CADM1: variants seen among roughly 807,000 people sequenced by gnomAD.
CADM1 encodes the protein cell adhesion molecule 1, also known as TSLC-1.
A neutral mutation model predicts 53.1 loss-of-function variants in CADM1; 15 were observed. That is an observed-to-expected ratio of 0.28 (90% CI 0.19 to 0.44). The LOEUF (loss-of-function observed/expected upper bound fraction) is 0.44. Ranked by LOEUF, CADM1 falls within the 20% of genes least tolerant of loss-of-function variation. The pLI is 1.00. For missense variants in CADM1, 434 were observed against 611.3 expected (o/e 0.71, Z 3.06); for synonymous variants, 281 against 243.0 (o/e 1.16, Z -1.45).
intron 1 of CADM1, among the ~76,000 whole-genome samples, chr11:115,313,435 G>A (rs1944581598): frequency 6.6e-6 from 1 of 152,250 alleles, no homozygotes; most frequent in Admixed American, 6.5e-5. Flanking sequence ...CTGCCAGTTA[G>A]TACAATTTAT....
At chr11:115,214,487 T>C in intron 7 of CADM1, 121 bp downstream of exon 7, 1 of 971,514 alleles carries the variant, frequency 1.0e-6, no homozygotes, top group South Asian at 1.4e-5. Flanking sequence ...CTTCTTTAAG[T>C]TCTAGAAGGA....
chr11:115,324,356 C>T (rs1421637432), intron 1 of CADM1, among the ~76,000 whole-genome samples: 1 of 152,130 alleles, frequency 6.6e-6, no homozygotes, highest in Non-Finnish European at 1.5e-5. Context: ...AAATCAACAA[C>T]ATCAACAATA....
At chr11:115,406,114 T>C (rs1947306259) in intron 1 of CADM1, among the ~76,000 whole-genome samples, 1 of 152,338 alleles carries the variant, frequency 6.6e-6, no homozygotes, top group African/African-American at 2.4e-5. Flanking sequence ...GGATATTTCT[T>C]TTCTCCTTGA....
At chr11:115,195,464 T>C (rs1473661064) in intron 9 of CADM1, among the ~76,000 whole-genome samples, 1 of 152,230 alleles carries the variant, frequency 6.6e-6, no homozygotes, top group East Asian at 1.9e-4. Flanking sequence ...AAATCCAGTA[T>C]GAAAACTTTT....
At chr11:115,288,492 T>C (rs1270165062) in intron 1 of CADM1, among the ~76,000 whole-genome samples, 1 of 152,156 alleles carries the variant, frequency 6.6e-6, no homozygotes, top group Non-Finnish European at 1.5e-5. Flanking sequence ...CCTGTTTCTA[T>C]ATAACTTGGC....
intron 1 of CADM1, among the ~76,000 whole-genome samples, chr11:115,392,136 CCTTG>C (rs530983640): frequency 4.9e-4 from 74 of 152,160 alleles, no homozygotes; most frequent in African/African-American, 1.7e-3. Flanking sequence ...GTCCTTCTTA[CCTTG>C]CTTATTTTTT....
At chr11:115,310,132 G>A (rs1944492461) in intron 1 of CADM1, among the ~76,000 whole-genome samples, 1 of 152,022 alleles carries the variant, frequency 6.6e-6, no homozygotes, top group African/African-American at 2.4e-5. Context: ...ATATATGCAC[G>A]ATGGGGAAAG....
intron 3 of CADM1, among the ~76,000 whole-genome samples, chr11:115,237,231 C>T (rs112667318): frequency 0.024 from 3,598 of 152,226 alleles, 132 homozygotes; most frequent in African/African-American, 0.078. Context: ...CTAAAACCTC[C>T]CATGCTTACT....
intron 9 of CADM1, 123 bp downstream of exon 9, chr11:115,198,283 T>C (rs765818281): frequency 1.4e-6 from 1 of 710,788 alleles, no homozygotes; most frequent in Non-Finnish European, 2.4e-6. Context: ...AATTATAGTA[T>C]ATTTATGAGG....
At position 115,214,397 on chromosome 11, in the gene CADM1, A is replaced by G. The variant is rs538450370; in HGVS notation, c.994+211T>C. 143 of 586,078 alleles carry G rather than the reference A, an allele frequency of 2.4e-4. 1 individual carries two copies. In the African/African-American group the frequency reaches 2.4e-3, roughly 10 times the overall value. 36.3% of individuals were successfully genotyped at this position (586,078 alleles called of 1,614,324 possible). On this transcript the variant is annotated intron_variant, in intron 7 of 11. Coordinates refer to ENST00000331581, the MANE Select transcript of CADM1 (RefSeq NM_001301043.2). The stretch of plus-strand genomic sequence containing the variant: ...TCAGCATGACCAAAGACTGTGATCT[A>G]GTAGAAACACCCACCATTAGAGGGA...
chr11:115,421,717 T>G (rs1274070149), intron 1 of CADM1, among the ~76,000 whole-genome samples: 3 of 152,182 alleles, frequency 2.0e-5, no homozygotes, highest in African/African-American at 7.2e-5. Flanking sequence ...AAATATGTCA[T>G]CAGCAGCATG....
At chr11:115,249,020 A>C (rs1194502353) in intron 1 of CADM1, among the ~76,000 whole-genome samples, 1 of 152,194 alleles carries the variant, frequency 6.6e-6, no homozygotes. Context: ...TTATGAAACT[A>C]ATTGTGTTGG....
At chr11:115,253,699 C>T (rs1001900746) in intron 1 of CADM1, among the ~76,000 whole-genome samples, 8 of 152,134 alleles carry the variant, frequency 5.3e-5, no homozygotes, top group African/African-American at 1.4e-4. Context: ...CTCATCACAG[C>T]GGAAAACTGA....
chr11:115,330,352 G>T (rs2135214544), intron 1 of CADM1, among the ~76,000 whole-genome samples: 1 of 152,164 alleles, frequency 6.6e-6, no homozygotes. Flanking sequence ...GTCTCATAAA[G>T]GAAAATTGTT....
intron 1 of CADM1, among the ~76,000 whole-genome samples, chr11:115,416,698 T>TACACACACACACAC (rs34112529): frequency 3.3e-4 from 47 of 141,466 alleles, no homozygotes; most frequent in African/African-American, 1.1e-3. Flanking sequence ...AAGGATTAAA[T>TACACACACACACAC]ACACACACAC....
intron 1 of CADM1, among the ~76,000 whole-genome samples, chr11:115,479,847 A>C (rs1236458812): frequency 6.6e-6 from 1 of 152,192 alleles, no homozygotes; most frequent in Non-Finnish European, 1.5e-5. Flanking sequence ...GTAGATCCCA[A>C]AGAAGCATTC....
intron 1 of CADM1, among the ~76,000 whole-genome samples, chr11:115,424,513 C>T (rs987639890): frequency 3.3e-5 from 5 of 152,060 alleles, no homozygotes; most frequent in African/African-American, 9.7e-5. Flanking sequence ...ACACACTTTT[C>T]TTTTTTTGTT....
chr11:115,326,614 A>G (rs544345991), intron 1 of CADM1, among the ~76,000 whole-genome samples: 1 of 152,214 alleles, frequency 6.6e-6, no homozygotes, highest in Non-Finnish European at 1.5e-5. Context: ...TAAGATTTCC[A>G]TCTAGAATAC....
At chr11:115,178,500 T>TTC in intron 11 of CADM1, 144 bp downstream of exon 11, 1 of 785,578 alleles carries the variant, frequency 1.3e-6, no homozygotes, top group Non-Finnish European at 2.1e-6. Context: ...TTTTTTTTTT[T>TTC]CTCTTCTCTC....
Sources: gnomAD v4.1 joint callset for allele counts (sites outside exome capture counted in the v4.1 genomes callset) on GRCh38, gnomAD v4.1.1 for gene constraint, MANE v1.5 for transcripts, NCBI Gene and HGNC (gene_info 2026-07-23, HGNC 2026-07-21) for gene names.